Variants in TMPRSS6 observed in about 807,000 individuals in gnomAD.
TMPRSS6 encodes transmembrane protease serine 6.
In TMPRSS6, 67 loss-of-function variants were observed where a neutral mutation model predicts 101.5. The ratio of observed to expected loss-of-function variants is 0.66; its 90% CI spans 0.54 to 0.81. The LOEUF (loss-of-function observed/expected upper bound fraction) is 0.81. TMPRSS6 is among the 30% of genes least tolerant of loss of function. The pLI is 0.00. For synonymous variants in TMPRSS6, 453 were observed against 464.9 expected, an observed-to-expected ratio of 0.97 and a Z score of 0.33; for missense variants, 1,034 against 1,088.7, an observed-to-expected ratio of 0.95 and a Z score of 0.71.
At chr22:37,070,701 G>C in intron 14 of TMPRSS6, 49 bp from the exon 15 acceptor site, 1 of 1,580,630 alleles carries the variant, frequency 6.3e-7, no homozygotes, top group Non-Finnish European at 8.7e-7. Context: ...AGGGGAAGGG[G>C]AGAAGCAGAC....
intron 6 of TMPRSS6, among the ~76,000 whole-genome samples, chr22:37,094,480 T>C (rs1204574019): frequency 6.6e-6 from 1 of 151,644 alleles, no homozygotes; most frequent in Non-Finnish European, 1.5e-5. Flanking sequence ...GACAGACAGA[T>C]AGATAATAGA....
chr22:37,078,807 A>G (rs1265656075), intron 10 of TMPRSS6, among the ~76,000 whole-genome samples: 1 of 146,192 alleles, frequency 6.8e-6, no homozygotes, highest in Non-Finnish European at 1.5e-5. Flanking sequence ...GAGGAGGAAG[A>G]GGAGAAGGAG....
upstream of TMPRSS6, among the ~76,000 whole-genome samples, chr22:37,110,212 C>T (rs976143681): frequency 6.4e-5 from 9 of 139,992 alleles, no homozygotes; most frequent in Non-Finnish European, 9.0e-5. Flanking sequence ...GGTGTGATTT[C>T]GGCTCACTGC....
chr22:37,075,387 C>A (rs1241904111), intron 10 of TMPRSS6, 107 bp from the exon 11 acceptor site: 18 of 1,453,802 alleles, frequency 1.2e-5, no homozygotes, highest in Non-Finnish European at 1.6e-5. Context: ...AGCTGCACGC[C>A]CGCTGTGCCT....
rs764656793 is a variant in TMPRSS6, at chr22:37,084,284, G to C, written c.1196+11C>G. The C allele has an allele frequency of 6.2e-7, 1 of 1,609,730 alleles. No homozygotes were observed. The highest frequency in any genetic ancestry group is 8.5e-7 in the Non-Finnish European group (1 of 1,176,918). On this transcript the variant is annotated intron_variant, in intron 10 of 17. Coordinates refer to ENST00000676104, the MANE Select transcript of TMPRSS6 (RefSeq NM_001374504.1). ...AGGAAAGGAAGCCAGAGGGAGGAGA[G>C]GAAGTGGTACCTCCTGTTCTGGATC...
chr22:37,096,932 C>T (rs1244302826), intron 3 of TMPRSS6, among the ~76,000 whole-genome samples: 2 of 152,122 alleles, frequency 1.3e-5, no homozygotes, highest in African/African-American at 4.8e-5. Flanking sequence ...CCACTACACC[C>T]GACTCTCACC....
At chr22:37,092,222 C>T (rs1315782728) in intron 6 of TMPRSS6, among the ~76,000 whole-genome samples, 1 of 152,090 alleles carries the variant, frequency 6.6e-6, no homozygotes, top group Admixed American at 6.5e-5. Context: ...GGGTGTTCCC[C>T]TCCCCCAGCC....
In TMPRSS6 at chr22:37,101,330, TA is replaced by T. The variant is rs1423942951; in HGVS notation, c.202+1885del. 1.3e-5 allele frequency among the ~76,000 whole-genome samples: 2 copies of T among 151,816 alleles called. No individual in the cohort carries two copies. On this transcript the variant is annotated intron_variant, in intron 2 of 17. Transcript: ENST00000676104. The surrounding 1 kb of genome is among the most constrained non-coding windows in gnomAD (Gnocchi z 4.1). ...CGGGTGCTGGGGGCTTGAGAACACATAAAACTCTTGCCTGGGAGAGCAGGAA... is the reference window on the plus strand; with the variant it reads ...CGGGTGCTGGGGGCTTGAGAACACATAAACTCTTGCCTGGGAGAGCAGGAA...
intron 3 of TMPRSS6, among the ~76,000 whole-genome samples, chr22:37,097,385 C>T (rs899104839): frequency 6.6e-6 from 1 of 152,226 alleles, no homozygotes; most frequent in East Asian, 1.9e-4. Flanking sequence ...CATGAATGCG[C>T]AGTGTAGAGC....
intron 14 of TMPRSS6, 32 bp from the exon 15 acceptor site, chr22:37,070,684 G>A (rs763007035): frequency 1.2e-6 from 2 of 1,602,200 alleles, no homozygotes; most frequent in South Asian, 2.2e-5. Flanking sequence ...GGGGTGGACA[G>A]AGGAGGAGGG....
chr22:37,065,712 C>T lies in TMPRSS6; in HGVS notation c.*368G>A. 2 of 294,654 alleles carry T rather than the reference C, an allele frequency of 6.8e-6. No individual in the cohort carries two copies. Among genetic ancestry groups the T allele is most frequent in the South Asian group, 4.0e-5 (1 of 24,814 alleles). The allele number at this position is 294,654 out of a possible 1,614,324, so 18.3% of individuals were successfully genotyped here. The stretch of plus-strand genomic sequence containing the variant: ...CTGGAGGCAAGGCTGCCCAAACAGC[C>T]TCTGTACAGAGTGGGGCGCACCTCA... On this transcript the variant is annotated 3_prime_UTR_variant, in exon 18 of 18. Transcript: ENST00000676104.
chr22:37,074,224 C>T (rs1927406958), intron 12 of TMPRSS6, among the ~76,000 whole-genome samples: 2 of 152,196 alleles, frequency 1.3e-5, no homozygotes, highest in African/African-American at 4.8e-5. Flanking sequence ...GCAGGATCAT[C>T]CCCCCACCAT....
intron 13 of TMPRSS6, among the ~76,000 whole-genome samples, chr22:37,073,034 CG>C (rs1927267304): frequency 9.2e-6 from 1 of 108,526 alleles, no homozygotes; most frequent in Non-Finnish European, 1.9e-5. Flanking sequence ...GGATGATGGA[CG>C]GATGGACGAT....
At chr22:37,072,339 T>TGATG (rs1247055865) in intron 13 of TMPRSS6, among the ~76,000 whole-genome samples, 2 of 129,620 alleles carry the variant, frequency 1.5e-5, no homozygotes, top group South Asian at 2.6e-4. Flanking sequence ...AATGGATGGA[T>TGATG]GATGGATGGA....
intron 11 of TMPRSS6, among the ~76,000 whole-genome samples, 185 bp from the exon 12 acceptor site, chr22:37,074,893 G>C (rs1447478156): frequency 1.3e-5 from 2 of 152,204 alleles, no homozygotes; most frequent in African/African-American, 2.4e-5. Context: ...CACACACACA[G>C]AATACACAAC....
At position 37,075,231 on chromosome 22, in the gene TMPRSS6, C is replaced by T. The variant is rs1324171027; in HGVS notation, c.1246G>A (p.Val416Met). Residue 416 changes from valine to methionine, a missense_variant, in exon 11 of 18, where the codon GTG becomes ATG. Val to Met is a conservative substitution (Grantham distance 21, BLOSUM62 1). Transcript: ENST00000676104. The stretch of plus-strand genomic sequence containing the variant: ...TTGATGGTGATCCCGGCCGTGGCCA[C>T]CACGGGGATCCTCTCGGCGTAGGGC... Reference protein sequence around the residue: ...LQPYAERIPVVATAGITINFT... With the variant: ...LQPYAERIPVMATAGITINFT... 6.2e-7 allele frequency: 1 copy of T among 1,613,798 alleles called. No individual in the cohort carries two copies.
intron 2 of TMPRSS6, among the ~76,000 whole-genome samples, chr22:37,102,760 CCTAGG>C (rs1364839698): frequency 6.6e-6 from 1 of 152,098 alleles, no homozygotes; most frequent in Non-Finnish European, 1.5e-5. Flanking sequence ...TAGAGGAGAA[CCTAGG>C]CTAGGCTCAA....
chr22:37,093,245 G>A (rs905840007), intron 6 of TMPRSS6, among the ~76,000 whole-genome samples: 2 of 152,078 alleles, frequency 1.3e-5, no homozygotes, highest in Non-Finnish European at 1.5e-5. Context: ...AACACCCACT[G>A]AGCACAGATA....
intron 12 of TMPRSS6, among the ~76,000 whole-genome samples, chr22:37,074,078 TCA>T (rs1927395608): frequency 6.6e-6 from 1 of 152,180 alleles, no homozygotes; most frequent in Admixed American, 6.5e-5. Flanking sequence ...ACCCAAAGTT[TCA>T]CAGCAACCCT....
Sources: allele counts gnomAD v4.1 joint callset (sites outside exome capture counted in the v4.1 genomes callset), GRCh38; gene constraint gnomAD v4.1.1; non-coding constraint Gnocchi (gnomAD v3.1); transcripts MANE v1.5; gene names NCBI Gene and HGNC (gene_info 2026-07-23, HGNC 2026-07-21).